ENPP6: variants seen among roughly 807,000 people sequenced by gnomAD.
ENPP6 encodes ectonucleotide pyrophosphatase/phosphodiesterase 6, also known as glycerophosphocholine cholinephosphodiesterase ENPP6.
In ENPP6, 32 loss-of-function variants were observed where a neutral mutation model predicts 42.0. The ratio of observed to expected loss-of-function variants is 0.76; its 90% confidence interval spans 0.58 to 1.02. The LOEUF (loss-of-function observed/expected upper bound fraction) is 1.02, where lower values mean the gene tolerates loss of function less well. ENPP6 is among the 50% of genes least tolerant of loss of function. The pLI is 0.00. For missense variants in ENPP6, 552 were observed against 566.8 expected (o/e 0.97, Z 0.27); for synonymous variants, 213 against 216.0 (o/e 0.99, Z 0.12).
intron 2 of ENPP6, among the ~76,000 whole-genome samples, chr4:184,153,211 C>T (rs892301733): frequency 3.3e-5 from 5 of 151,878 alleles, no homozygotes; most frequent in South Asian, 4.2e-4. Context: ...CCACAACCTC[C>T]GCCTCCTGGG....
chr4:184,157,409 C>CTTTCTTTCTTTCTTTCTTTCCT (rs1247474543), intron 1 of ENPP6, among the ~76,000 whole-genome samples: 2 of 82,594 alleles, frequency 2.4e-5, no homozygotes, highest in Non-Finnish European at 4.7e-5. Context: ...CGTTCTTTCT[C>CTTTCTTTCTTTCTTTCTTTCCT]TTTCTTTCTT....
intron 1 of ENPP6, among the ~76,000 whole-genome samples, chr4:184,161,800 A>G (rs1210766809): frequency 1.3e-5 from 2 of 152,148 alleles, no homozygotes; most frequent in Non-Finnish European, 1.5e-5. Flanking sequence ...CAAACATTGT[A>G]TATTCTCACT....
intron 2 of ENPP6, among the ~76,000 whole-genome samples, chr4:184,133,791 T>A (rs1244634671): frequency 1.3e-5 from 2 of 152,060 alleles, no homozygotes; most frequent in South Asian, 2.1e-4. Context: ...TAGGATTGTA[T>A]CAATTGCTTT....
chr4:184,208,162 G>T (rs944094047), intron 1 of ENPP6, among the ~76,000 whole-genome samples: 2 of 152,022 alleles, frequency 1.3e-5, no homozygotes, highest in Non-Finnish European at 1.5e-5. Flanking sequence ...GCACCCATTC[G>T]CGAGTGTTCT....
In ENPP6 at chr4:184,090,765, G is replaced by C. The variant is rs1455265443; in HGVS notation, c.*412C>G. 1.4e-5 allele frequency: 5 copies of C among 352,818 alleles called. No individual in the cohort carries two copies. Among genetic ancestry groups the C allele is most frequent in the Non-Finnish European group, 2.5e-5 (5 of 196,342 alleles). The allele number at this position is 352,818 out of a possible 1,614,324, so 21.9% of individuals were successfully genotyped here. On this transcript the variant is annotated 3_prime_UTR_variant, in exon 8 of 8. Transcript: ENST00000296741. Reference sequence around the variant, plus strand: ...GACACTGAGGATGGCTCCTGGGTGTGGACAGGGCACAGACAAGGGCCTGGT... The same window carrying C: ...GACACTGAGGATGGCTCCTGGGTGTCGACAGGGCACAGACAAGGGCCTGGT...
rs1736271105 is a variant in ENPP6, at chr4:184,113,960, T to TTTC, written c.856-1154_856-1152dup. The stretch of plus-strand genomic sequence containing the variant: ...CTTTCTTTCTTTCTTTCTTTCTTTC[T>TTTC]TTCTCTCTTTCTTTCTTTCTTTTTG... On this transcript the variant is annotated intron_variant, in intron 5 of 7. Coordinates refer to ENST00000296741, the MANE Select transcript of ENPP6 (RefSeq NM_153343.4). 2.0e-5 allele frequency among the ~76,000 whole-genome samples: 3 copies of TTTC among 149,848 alleles called. No homozygotes were observed. The Admixed American group carries it at 2.0e-4, about 10-fold the overall frequency.
In ENPP6 at chr4:184,102,829, T is replaced by C. The variant is rs556999979; in HGVS notation, c.994-5461A>G. Among the ~76,000 whole-genome samples the C allele has an allele frequency of 4.2e-3, 644 of 152,364 alleles. 3 individuals are homozygous for C. Among genetic ancestry groups the C allele is most frequent in the Non-Finnish European group, 7.1e-3 (481 of 68,028 alleles). ...CTCAAGGACCACCCTGAGCTCAGCC[T>C]GGACCTGGCTCCGGGATATTTGCAT... On this transcript the variant is annotated intron_variant, in intron 6 of 7. Coordinates refer to ENST00000296741, the MANE Select transcript of ENPP6 (RefSeq NM_153343.4).
At chr4:184,148,928 C>T (rs1354417160) in intron 2 of ENPP6, among the ~76,000 whole-genome samples, 1 of 152,210 alleles carries the variant, frequency 6.6e-6, no homozygotes, top group Non-Finnish European at 1.5e-5. Context: ...TGGATGCATT[C>T]TTCTGGAAAG....
intron 1 of ENPP6, among the ~76,000 whole-genome samples, chr4:184,167,090 T>TA (rs554526130): frequency 0.011 from 1,618 of 152,122 alleles, 24 homozygotes; most frequent in South Asian, 0.08. Flanking sequence ...TTTAACTCAG[T>TA]AAAAAAAAGC....
intron 2 of ENPP6, among the ~76,000 whole-genome samples, chr4:184,136,449 C>T (rs1405145086): frequency 6.6e-6 from 1 of 152,078 alleles, no homozygotes; most frequent in African/African-American, 2.4e-5. Flanking sequence ...TTTCCTCCTC[C>T]ATCTCTGTGC....
chr4:184,194,242 C>G (rs772445436), intron 1 of ENPP6, among the ~76,000 whole-genome samples: 9 of 152,326 alleles, frequency 5.9e-5, no homozygotes, highest in Non-Finnish European at 1.3e-4. Flanking sequence ...ATAAACGATT[C>G]ACTGAGATGC....
In ENPP6 at chr4:184,161,343, C is replaced by T. The variant is rs139202183; in HGVS notation, c.242-7610G>A. ...TGGAAATCAAAACTACAATGCAATA[C>T]CACCTTACTCCTGCAAGAATGGCTA... On this transcript the variant is annotated intron_variant, in intron 1 of 7. Transcript: ENST00000296741. Among the ~76,000 whole-genome samples, 853 of 152,268 alleles carry T rather than the reference C, an allele frequency of 5.6e-3. 31 individuals carry two copies. Among genetic ancestry groups the T allele is most frequent in the Admixed American group, 0.052 (792 of 15,304 alleles).
At chr4:184,134,379 G>A (rs914540579) in intron 2 of ENPP6, among the ~76,000 whole-genome samples, 3 of 152,092 alleles carry the variant, frequency 2.0e-5, no homozygotes, top group Admixed American at 1.3e-4. Flanking sequence ...CTAATACTGG[G>A]TTATTTTAGG....
intron 2 of ENPP6, among the ~76,000 whole-genome samples, chr4:184,130,281 G>C (rs370711413): frequency 6.1e-4 from 92 of 152,008 alleles, no homozygotes; most frequent in African/African-American, 2.1e-3. Flanking sequence ...GGTTTTGGCC[G>C]GGCGCGGTGG....
intron 1 of ENPP6, among the ~76,000 whole-genome samples, chr4:184,211,343 A>G (rs914945856): frequency 2.0e-5 from 3 of 152,190 alleles, no homozygotes; most frequent in African/African-American, 7.2e-5. Flanking sequence ...ACCACTAGCA[A>G]GACTAATAAA....
rs375176663 is a variant in ENPP6, at chr4:184,117,882, C to G, written c.552G>C (p.Leu184=). ...CAATGCGCTCATGGTATATGGCTGC[C>G]AGGTCGGCCCGGCCACTCCTGGAGG... ...LDSFKSGRAD[L]AAIYHERIDV... Residue 184 remains leucine (L), a synonymous_variant, in exon 4 of 8, where the codon CTG becomes CTC. Coordinates refer to ENST00000296741, the MANE Select transcript of ENPP6 (RefSeq NM_153343.4). The G allele has an allele frequency of 1.2e-6, 2 of 1,614,138 alleles. No individual in the cohort carries two copies. The highest frequency in any genetic ancestry group is 2.2e-5 in the South Asian group (2 of 91,080).
intron 2 of ENPP6, among the ~76,000 whole-genome samples, chr4:184,130,133 A>G (rs973477662): frequency 4.6e-5 from 7 of 152,270 alleles, no homozygotes; most frequent in Non-Finnish European, 7.4e-5. Flanking sequence ...CTGCTGGCCA[A>G]GCTACTCTCT....
At chr4:184,153,512 C>G (rs1737093317) in intron 2 of ENPP6, 42 bp downstream of exon 2, 3 of 1,579,290 alleles carry the variant, frequency 1.9e-6, no homozygotes, top group East Asian at 4.5e-5. Context: ...CTCAGAGACT[C>G]TATGATGATT....
intron 2 of ENPP6, among the ~76,000 whole-genome samples, chr4:184,150,078 T>C (rs1192708624): frequency 6.6e-6 from 1 of 152,116 alleles, no homozygotes; most frequent in Non-Finnish European, 1.5e-5. Flanking sequence ...GGGTCATATA[T>C]ACAATTTCTG....
Sources: gnomAD v4.1 joint callset for allele counts (sites outside exome capture counted in the v4.1 genomes callset) on GRCh38, gnomAD v4.1.1 for gene constraint, MANE v1.5 for transcripts, NCBI Gene and HGNC (gene_info 2026-07-23, HGNC 2026-07-21) for gene names.